Variants in DNAH3 observed in about 807,000 individuals in gnomAD.
DNAH3 encodes the protein dynein axonemal heavy chain 3.
Under a neutral mutation model 432.5 loss-of-function variants are expected in DNAH3, and 332 were observed. That is an observed-to-expected ratio of 0.77 (90% CI 0.70 to 0.84). The LOEUF (loss-of-function observed/expected upper bound fraction) is 0.84, where lower values mean the gene tolerates loss of function less well. DNAH3 is among the 40% of genes least tolerant of loss of function. The pLI, the probability that DNAH3 is intolerant of heterozygous loss-of-function variation, is 0.00. For synonymous variants in DNAH3, 1,956 were observed against 1,900.2 expected, an observed-to-expected ratio of 1.03 and a Z score of -0.76; for missense variants, 4,861 against 5,114.0, an observed-to-expected ratio of 0.95 and a Z score of 1.51.
chr16:21,124,924 A>G (rs1383631151), intron 9 of DNAH3, among the ~76,000 whole-genome samples: 1 of 152,174 alleles, frequency 6.6e-6, no homozygotes, highest in African/African-American at 2.4e-5. Flanking sequence ...TGCTGAGATT[A>G]CAGACGTGGC....
At chr16:21,097,541 C>T in intron 17 of DNAH3, 42 bp from the exon 18 acceptor site, 1 of 1,605,940 alleles carries the variant, frequency 6.2e-7, no homozygotes, top group Non-Finnish European at 8.5e-7. Flanking sequence ...ATGGGTTGTT[C>T]TCCTAAGCCC....
intron 16 of DNAH3, among the ~76,000 whole-genome samples, chr16:21,100,396 T>A (rs928298641): frequency 1.3e-5 from 2 of 152,200 alleles, no homozygotes; most frequent in African/African-American, 2.4e-5. Context: ...CAGCTTTTTA[T>A]TTTTGTTTTG....
chr16:21,140,424 T>A (rs1197152557), intron 5 of DNAH3, 112 bp downstream of exon 6: 2 of 1,171,038 alleles, frequency 1.7e-6, no homozygotes, highest in East Asian at 2.4e-5. Flanking sequence ...TAGACTTTGG[T>A]GTTTTTCAAA....
intron 41 of DNAH3, among the ~76,000 whole-genome samples, chr16:21,011,131 T>C (rs1302867395): frequency 6.6e-6 from 1 of 151,978 alleles, no homozygotes; most frequent in African/African-American, 2.4e-5. Flanking sequence ...CATCATTGAC[T>C]CTCTAGCTGC....
intron 44 of DNAH3, chr16:20,997,066 G>A (rs748605049): frequency 1.4e-5 from 7 of 515,486 alleles, no homozygotes; most frequent in Non-Finnish European, 2.4e-5. Flanking sequence ...GTTTCTCTAG[G>A]GCCTAGCCAA....
At chr16:20,978,469 C>T (rs1331006167) in intron 50 of DNAH3, among the ~76,000 whole-genome samples, 2 of 152,188 alleles carry the variant, frequency 1.3e-5, no homozygotes, top group Admixed American at 1.3e-4. Flanking sequence ...GTAGAGGTTG[C>T]AGTGAGCTGA....
intron 42 of DNAH3, among the ~76,000 whole-genome samples, chr16:21,001,022 ACTGC>A (rs2086990842): frequency 6.6e-6 from 1 of 152,178 alleles, no homozygotes; most frequent in African/African-American, 2.4e-5. Flanking sequence ...TGCCATCATC[ACTGC>A]CTGGCTCAGA....
chr16:21,072,292 C>T (rs190381669), intron 21 of DNAH3, among the ~76,000 whole-genome samples: 5 of 152,006 alleles, frequency 3.3e-5, no homozygotes, highest in South Asian at 2.1e-4. Context: ...ATGTGCACAA[C>T]GTGCAGGTTG....
intron 7 of DNAH3, among the ~76,000 whole-genome samples, chr16:21,129,027 T>C (rs1392788937): frequency 1.3e-5 from 2 of 152,114 alleles, no homozygotes; most frequent in Admixed American, 6.6e-5. Flanking sequence ...TTCTATCTGC[T>C]CCAAACCCTC....
chr16:21,106,699 T>TATCATC, intron 14 of DNAH3, 25 bp from the exon 15 acceptor site: 1 of 1,447,478 alleles, frequency 6.9e-7, no homozygotes. Context: ...CAGCCATTGT[T>TATCATC]ATCATCATCA....
At chr16:21,072,828 T>TTATTATTATTATTATTATTAC (rs1311576750) in intron 21 of DNAH3, among the ~76,000 whole-genome samples, 6 of 147,474 alleles carry the variant, frequency 4.1e-5, no homozygotes, top group African/African-American at 1.5e-4. Flanking sequence ...ATTATTATTA[T>TTATTATTATTATTATTATTAC]TATTATTATT....
chr16:21,049,688 A>G lies in DNAH3; in HGVS notation c.4348-6T>C, dbSNP rs1277335279. ...GAGCAGTTGAAGACCACACACTAGA[A>G]AGAGGGAGGATGTGGGTATCATTCA... On this transcript the variant is annotated splice_polypyrimidine_tract_variant and splice_region_variant and intron_variant, in intron 30 of 61. Coordinates refer to ENST00000261383, the Ensembl canonical transcript of DNAH3. 3.7e-6 allele frequency: 6 copies of G among 1,611,344 alleles called. No individual in the cohort carries two copies. Among genetic ancestry groups the G allele is most frequent in the African/African-American group, 1.3e-5 (1 of 74,846 alleles).
exon 29 of DNAH3, chr16:21,051,748 G>A (rs772972968): frequency 6.2e-7 from 1 of 1,614,110 alleles, no homozygotes; most frequent in East Asian, 2.2e-5. Flanking sequence ...CAAGGCTTCT[G>A]TGGTGATAAT....
chr16:21,122,269 C>A, intron 9 of DNAH3, 145 bp from the exon 11 acceptor site: 1 of 668,864 alleles, frequency 1.5e-6, no homozygotes, highest in Non-Finnish European at 2.4e-6. Flanking sequence ...AAAATATGGG[C>A]TGGGGCTGGG....
At chr16:20,949,256 A>G (rs1288547295) in intron 56 of DNAH3, among the ~76,000 whole-genome samples, 5 of 116,114 alleles carry the variant, frequency 4.3e-5, no homozygotes, top group South Asian at 3.4e-4. Context: ...ACAGAGGGAG[A>G]CTGTCTCAAA....
chr16:21,122,363 T>A (rs1247619038), intron 9 of DNAH3, among the ~76,000 whole-genome samples: 1 of 152,088 alleles, frequency 6.6e-6, no homozygotes, highest in Admixed American at 6.5e-5. Context: ...AAGATCAGCC[T>A]GGCCAACATG....
At chr16:21,103,420 G>T (rs2091883809) in intron 16 of DNAH3, among the ~76,000 whole-genome samples, 1 of 151,704 alleles carries the variant, frequency 6.6e-6, no homozygotes, top group South Asian at 2.1e-4. Flanking sequence ...GCTCAATTTT[G>T]CTGTGAATCT....
intron 47 of DNAH3, 72 bp downstream of exon 47, chr16:20,987,233 G>C (rs938474598): frequency 6.3e-7 from 1 of 1,578,366 alleles, no homozygotes; most frequent in African/African-American, 1.4e-5. Flanking sequence ...AAGGGAACCT[G>C]AAATCTGAAA....
intron 40 of DNAH3, 137 bp downstream of exon 40, chr16:21,021,834 C>A: frequency 1.0e-6 from 1 of 974,826 alleles, no homozygotes; most frequent in East Asian, 2.7e-5. Flanking sequence ...ACCTGGGAGG[C>A]TGAGGCTGCA....
Sources: allele counts gnomAD v4.1 joint callset (sites outside exome capture counted in the v4.1 genomes callset), GRCh38; gene constraint gnomAD v4.1.1; transcripts MANE v1.5; gene names NCBI Gene and HGNC (gene_info 2026-07-23, HGNC 2026-07-21).